Variants in RECK observed in about 807,000 individuals in gnomAD.
RECK encodes the protein reversion inducing cysteine rich protein with kazal motifs.
A neutral mutation model predicts 115.1 loss-of-function variants in RECK; 69 were observed. That is an observed-to-expected ratio of 0.60 (90% CI 0.49 to 0.73). The LOEUF is 0.73. Ranked by LOEUF, RECK falls within the 30% of genes least tolerant of loss-of-function variation. The probability of loss-of-function intolerance (pLI) is 0.00; values close to 1 mark genes in which losing one functional copy is unlikely to be tolerated. For synonymous variants in RECK, 414 were observed against 419.7 expected (o/e 0.99, Z 0.17); for missense variants, 1,047 against 1,203.7 (o/e 0.87, Z 1.93).
intron 6 of RECK, chr9:36,066,887 G>A (rs1822023313): frequency 2.4e-6 from 3 of 1,248,974 alleles, no homozygotes; most frequent in Non-Finnish European, 2.1e-6. Context: ...GAGACAAACT[G>A]TCCTATGATA....
chr9:36,118,777 G>A lies in RECK; in HGVS notation c.2274G>A (p.Glu758=), dbSNP rs1314771368. ...CTCAGCCCTTTTGCAGAGCAACCGA[G>A]CCCGTATGTGGGCACAATGGTGAGA... ...GPCQPFCRAT[E]PVCGHNGETY... The change falls in exon 18 of 21, where the codon GAG becomes GAA. Residue 758 remains glutamate (E), a synonymous_variant. Transcript: ENST00000377966. 1.2e-6 allele frequency: 2 copies of A among 1,614,030 alleles called. No individual in the cohort carries two copies. Among genetic ancestry groups the A allele is most frequent in the East Asian group, 4.5e-5 (2 of 44,872 alleles).
chr9:36,057,167 A>T, intron 2 of RECK, among the ~76,000 whole-genome samples: 1 of 151,152 alleles, frequency 6.6e-6, no homozygotes. Flanking sequence ...AAAAAAAAAA[A>T]GCTTTGTTTC....
At chr9:36,115,176 G>T (rs1039230589) in intron 16 of RECK, among the ~76,000 whole-genome samples, 4 of 151,900 alleles carry the variant, frequency 2.6e-5, no homozygotes, top group African/African-American at 4.8e-5. Flanking sequence ...TTAGCTGGGC[G>T]TGGTGGCACA....
chr9:36,092,496 C>T (rs141724325), intron 10 of RECK, among the ~76,000 whole-genome samples: 3,246 of 151,398 alleles, frequency 0.021, 126 homozygotes, highest in African/African-American at 0.075. Flanking sequence ...CTGCCTCAGC[C>T]TCCCAAGTAG....
Position 36,118,954 on chromosome 9 carries a change from C to G in RECK, c.2451C>G (p.Pro817=). ...CGCTCTTGGCAGCTGGATGCAAACC[C>G]ATCATCCCACCGGGTAGGCTGGCAG... ...CPSLLAAGCK[P]IIPPGACCPL... The change falls in exon 18 of 21, where the codon CCC becomes CCG. Residue 817 remains proline (P), a synonymous_variant. Transcript: ENST00000377966. 1 of 1,612,384 alleles carries G rather than the reference C, an allele frequency of 6.2e-7. No individual in the cohort carries two copies. The highest frequency in any genetic ancestry group is 8.5e-7 in the Non-Finnish European group (1 of 1,179,862).
intron 16 of RECK, among the ~76,000 whole-genome samples, chr9:36,114,537 C>T (rs1361371726): frequency 1.3e-5 from 2 of 152,194 alleles, no homozygotes; most frequent in African/African-American, 2.4e-5. Flanking sequence ...CATATAAATG[C>T]TTATCCTTAC....
At position 36,123,693 on chromosome 9, in the gene RECK, G is replaced by A. The variant is rs778545488; in HGVS notation, c.*648G>A. ...TATAATTATATGTTGTAAGCAACAGGCTCACTGGTCACGGATTTGTGTCTG... is the reference window on the plus strand; with the variant it reads ...TATAATTATATGTTGTAAGCAACAGACTCACTGGTCACGGATTTGTGTCTG... On this transcript the variant is annotated 3_prime_UTR_variant, in exon 21 of 21. Transcript: ENST00000377966. 2 of 152,202 alleles carry A rather than the reference G, an allele frequency of 1.3e-5. No individual in the cohort carries two copies. The highest frequency in any genetic ancestry group is 2.4e-5 in the African/African-American group (1 of 41,446). 9.4% of individuals were successfully genotyped at this position (152,202 alleles called of 1,614,324 possible).
intron 15 of RECK, among the ~76,000 whole-genome samples, chr9:36,110,394 C>T (rs961641454): frequency 6.6e-6 from 1 of 152,152 alleles, no homozygotes; most frequent in African/African-American, 2.4e-5. Context: ...CCATTTACCC[C>T]TACTGCTATG....
intron 4 of RECK, among the ~76,000 whole-genome samples, 175 bp from the exon 5 acceptor site, chr9:36,063,620 T>A (rs1821870541): frequency 6.6e-6 from 1 of 152,188 alleles, no homozygotes; most frequent in Non-Finnish European, 1.5e-5. Context: ...AAGAGACTGA[T>A]AGCAGTGGAA....
chr9:36,120,836 A>G, intron 19 of RECK, 100 bp downstream of exon 19: 2 of 858,844 alleles, frequency 2.3e-6, no homozygotes, highest in Non-Finnish European at 3.7e-6. Context: ...AGATAAAGAA[A>G]CTAATCTTCA....
intron 16 of RECK, among the ~76,000 whole-genome samples, chr9:36,115,712 T>C (rs1247991654): frequency 2.6e-5 from 4 of 152,212 alleles, no homozygotes; most frequent in Admixed American, 6.5e-5. Context: ...ACGGTGGTAG[T>C]GATTTTGGTG....
Position 36,120,742 on chromosome 9 carries a change from T to C in RECK, c.2538+6T>C. 6.4e-7 allele frequency: 1 copy of C among 1,559,252 alleles called. No individual in the cohort carries two copies. Among genetic ancestry groups the C allele is most frequent in the Non-Finnish European group, 8.8e-7 (1 of 1,130,168 alleles). On this transcript the variant is annotated splice_donor_region_variant and intron_variant, in intron 19 of 20. Coordinates refer to ENST00000377966, the MANE Select transcript of RECK (RefSeq NM_021111.3). The stretch of plus-strand genomic sequence containing the variant: ...AACTGGATACTATTGCTAAGGTAAA[T>C]TGCTTTATATTCAGATGCTATTGAA...
At chr9:36,049,759 A>G (rs558725493) in intron 1 of RECK, among the ~76,000 whole-genome samples, 9 of 152,338 alleles carry the variant, frequency 5.9e-5, no homozygotes, top group African/African-American at 2.2e-4. Context: ...CAACTGCTCA[A>G]AAGTAGACTT....
At chr9:36,091,396 T>C (rs1434276710) in intron 10 of RECK, 53 bp downstream of exon 10, 5 of 1,220,352 alleles carry the variant, frequency 4.1e-6, no homozygotes, top group Non-Finnish European at 5.6e-6. Flanking sequence ...TAATTATAAA[T>C]AAGTGAAATA....
intron 17 of RECK, among the ~76,000 whole-genome samples, chr9:36,117,983 A>C (rs1824324780): frequency 6.6e-6 from 1 of 152,142 alleles, no homozygotes; most frequent in South Asian, 2.1e-4. Flanking sequence ...CCATCTAAAA[A>C]AAAAGAAAAA....
intron 5 of RECK, among the ~76,000 whole-genome samples, chr9:36,064,473 A>G (rs778139202): frequency 6.6e-6 from 1 of 152,216 alleles, no homozygotes; most frequent in Non-Finnish European, 1.5e-5. Flanking sequence ...CTCTACTGCA[A>G]GTGGCAGAAA....
chr9:36,066,496 T>C (rs1176031661), intron 6 of RECK, among the ~76,000 whole-genome samples: 1 of 152,124 alleles, frequency 6.6e-6, no homozygotes, highest in Non-Finnish European at 1.5e-5. Flanking sequence ...AAAGCCTGTA[T>C]CTCTTATTTT....
At chr9:36,121,756 GC>G in intron 20 of RECK, 68 bp downstream of exon 20, 1 of 1,518,516 alleles carries the variant, frequency 6.6e-7, no homozygotes, top group Non-Finnish European at 9.1e-7. Flanking sequence ...GAGGGAGTGG[GC>G]ACAAACTAGG....
At chr9:36,041,586 A>G (rs914171597) in intron 1 of RECK, among the ~76,000 whole-genome samples, 2 of 152,170 alleles carry the variant, frequency 1.3e-5, no homozygotes, top group African/African-American at 4.8e-5. Flanking sequence ...AATCACATGG[A>G]AAGCCAAGGG....
Sources: gnomAD v4.1 joint callset for allele counts (sites outside exome capture counted in the v4.1 genomes callset) on GRCh38, gnomAD v4.1.1 for gene constraint, MANE v1.5 for transcripts, NCBI Gene and HGNC (gene_info 2026-07-23, HGNC 2026-07-21) for gene names.